The following SUCLG2 variants were observed in gnomAD, a reference collection of about 807,000 sequenced individuals.
The protein encoded by SUCLG2 is succinate--CoA ligase [GDP-forming] subunit beta, mitochondrial.
A neutral mutation model predicts 47.9 loss-of-function variants in SUCLG2; 42 were observed. The observed-to-expected ratio is 0.88, with a 90% CI of 0.69 to 1.14. The LOEUF is 1.14. Among genes scored for constraint, SUCLG2 ranks in the 50% most tolerant of loss-of-function variants. The pLI is 0.00. For missense variants in SUCLG2, 571 were observed against 525.9 expected, an observed-to-expected ratio of 1.09 and a Z score of -0.84; for synonymous variants, 195 against 197.3, an observed-to-expected ratio of 0.99 and a Z score of 0.10.
chr3:67,397,571 T>C (rs1295771547), intron 10 of SUCLG2, among the ~76,000 whole-genome samples: 2 of 152,116 alleles, frequency 1.3e-5, no homozygotes, highest in Admixed American at 6.5e-5. Flanking sequence ...GAAGAATCAA[T>C]ATCGTGAAAA....
intron 9 of SUCLG2, among the ~76,000 whole-genome samples, chr3:67,440,211 A>G (rs575916369): frequency 6.6e-6 from 1 of 152,212 alleles, no homozygotes; most frequent in Admixed American, 6.5e-5. Flanking sequence ...CCTTCCTTAC[A>G]CTTTATGCAA....
chr3:67,530,730 T>C (rs1020354268), intron 2 of SUCLG2, among the ~76,000 whole-genome samples: 1 of 152,216 alleles, frequency 6.6e-6, no homozygotes, highest in African/African-American at 2.4e-5. Flanking sequence ...CACAGTTTTT[T>C]CTTAGAAGGC....
intron 9 of SUCLG2, among the ~76,000 whole-genome samples, chr3:67,431,479 G>T (rs561899773): frequency 6.6e-6 from 1 of 152,004 alleles, no homozygotes; most frequent in African/African-American, 2.4e-5. Flanking sequence ...CAAAGACTTG[G>T]AACCAACCCA....
chr3:67,566,699 T>C (rs1707461051), intron 2 of SUCLG2, among the ~76,000 whole-genome samples: 1 of 152,170 alleles, frequency 6.6e-6, no homozygotes, highest in African/African-American at 2.4e-5. Context: ...ATCTTATTCA[T>C]GAAAAACGCA....
intron 9 of SUCLG2, among the ~76,000 whole-genome samples, chr3:67,454,094 G>A (rs1363923956): frequency 1.3e-5 from 2 of 152,154 alleles, no homozygotes; most frequent in Non-Finnish European, 2.9e-5. Context: ...ATATTCTTAG[G>A]CCTAAGTGGA....
intron 10 of SUCLG2, 131 bp downstream of exon 10, chr3:67,400,600 C>T: frequency 7.7e-7 from 1 of 1,299,382 alleles, no homozygotes; most frequent in South Asian, 1.5e-5. Flanking sequence ...TCCTGCCGTA[C>T]TGTGTTTGTT....
chr3:67,463,716 G>A (rs1375310377), intron 9 of SUCLG2, among the ~76,000 whole-genome samples: 2 of 152,128 alleles, frequency 1.3e-5, no homozygotes, highest in African/African-American at 4.8e-5. Flanking sequence ...GGAAAATATT[G>A]CCCTAATCCA....
At chr3:67,434,071 T>C (rs2106893285) in intron 9 of SUCLG2, among the ~76,000 whole-genome samples, 1 of 152,332 alleles carries the variant, frequency 6.6e-6, no homozygotes, top group African/African-American at 2.4e-5. Flanking sequence ...AGTACTGATC[T>C]TGCAACCCCA....
At chr3:67,597,187 A>C (rs943362768) in intron 2 of SUCLG2, among the ~76,000 whole-genome samples, 2 of 152,188 alleles carry the variant, frequency 1.3e-5, no homozygotes, top group African/African-American at 4.8e-5. Flanking sequence ...CCCTGGACAT[A>C]AGGCTGGCAA....
chr3:67,647,960 C>G (rs1185301735), intron 1 of SUCLG2, among the ~76,000 whole-genome samples: 1 of 152,206 alleles, frequency 6.6e-6, no homozygotes, highest in African/African-American at 2.4e-5. Flanking sequence ...CTTACTGAAT[C>G]TGGGAAAGCA....
At chr3:67,524,186 C>T (rs113808977) in intron 4 of SUCLG2, among the ~76,000 whole-genome samples, 17 of 152,300 alleles carry the variant, frequency 1.1e-4, no homozygotes, top group East Asian at 5.8e-4. Context: ...ACACTCATCC[C>T]GGAGCAACTC....
At chr3:67,518,395 C>A (rs1405786608) in intron 5 of SUCLG2, 59 bp from the exon 6 acceptor site, 3 of 1,496,796 alleles carry the variant, frequency 2.0e-6, no homozygotes, top group African/African-American at 1.4e-5. Context: ...GATTTACAAC[C>A]TCAAAAGAAA....
intron 2 of SUCLG2, among the ~76,000 whole-genome samples, chr3:67,564,389 C>T (rs1156646287): frequency 1.3e-5 from 2 of 152,184 alleles, no homozygotes; most frequent in African/African-American, 4.8e-5. Context: ...TTTCAGCAAC[C>T]TGCAAAGTAA....
At chr3:67,398,951 C>T (rs1702617377) in intron 10 of SUCLG2, among the ~76,000 whole-genome samples, 1 of 141,722 alleles carries the variant, frequency 7.1e-6, no homozygotes, top group South Asian at 2.2e-4. Flanking sequence ...TGTTGTCACT[C>T]ATAGGTGGGA....
chr3:67,627,450 T>C (rs1012778708), intron 1 of SUCLG2, among the ~76,000 whole-genome samples: 8 of 152,340 alleles, frequency 5.3e-5, no homozygotes, highest in African/African-American at 1.9e-4. Context: ...TGGGATTCAA[T>C]GTAGTAAATC....
At chr3:67,567,255 T>C (rs1707476483) in intron 2 of SUCLG2, among the ~76,000 whole-genome samples, 1 of 151,466 alleles carries the variant, frequency 6.6e-6, no homozygotes. Context: ...TATAAAGTAA[T>C]GCTGCATTTT....
intron 1 of SUCLG2, among the ~76,000 whole-genome samples, chr3:67,648,731 A>C (rs1291007790): frequency 1.3e-5 from 2 of 152,188 alleles, no homozygotes; most frequent in Non-Finnish European, 2.9e-5. Context: ...ACCCTTTCAC[A>C]ACTAGGATTT....
At chr3:67,638,975 GA>G (rs201073518) in intron 1 of SUCLG2, among the ~76,000 whole-genome samples, 5 of 151,504 alleles carry the variant, frequency 3.3e-5, no homozygotes, top group African/African-American at 4.8e-5. Flanking sequence ...AAGAAAATAA[GA>G]AAAAAAAATT....
intron 5 of SUCLG2, among the ~76,000 whole-genome samples, chr3:67,518,554 T>C (rs138482532): frequency 1.5e-3 from 231 of 152,350 alleles, no homozygotes; most frequent in African/African-American, 5.3e-3. Flanking sequence ...TAATTCTTCA[T>C]GGTGGCATGC....
Sources: allele counts gnomAD v4.1 joint callset (sites outside exome capture counted in the v4.1 genomes callset), GRCh38; gene constraint gnomAD v4.1.1; transcripts MANE v1.5; gene names NCBI Gene and HGNC (gene_info 2026-07-23, HGNC 2026-07-21).